Variants in NRXN1 observed in about 807,000 individuals in gnomAD.
NRXN1 encodes neurexin 1, also known as neurexin-1.
NRXN1 carries 39 observed loss-of-function variants against 150.9 expected under a neutral mutation model. The observed-to-expected ratio is 0.26, with a 90% confidence interval of 0.20 to 0.34. The LOEUF (loss-of-function observed/expected upper bound fraction) is 0.34. Ranked by LOEUF, NRXN1 falls within the 10% of genes least tolerant of loss-of-function variation. The pLI is 1.00. For synonymous variants in NRXN1, 924 were observed against 757.0 expected (o/e 1.22, Z -3.62); for missense variants, 1,815 against 1,949.9 (o/e 0.93, Z 1.30).
chr2:50,124,195 A>G (rs1257049769), intron 18 of NRXN1, among the ~76,000 whole-genome samples: 1 of 152,166 alleles, frequency 6.6e-6, no homozygotes, highest in African/African-American at 2.4e-5. Flanking sequence ...TCAACGATAT[A>G]AAATGCTGCT....
intron 18 of NRXN1, among the ~76,000 whole-genome samples, chr2:50,196,921 G>C (rs1203472787): frequency 6.6e-6 from 1 of 152,084 alleles, no homozygotes; most frequent in Non-Finnish European, 1.5e-5. Flanking sequence ...GTGGAGGGTG[G>C]GAGGAAGGAG....
In NRXN1 at chr2:50,863,853, G is replaced by A. The variant is rs369589511; in HGVS notation, c.832+58016C>T. On this transcript the variant is annotated intron_variant, in intron 5 of 22. Coordinates refer to ENST00000401669, the MANE Select transcript of NRXN1 (RefSeq NM_001330078.2). ...AATCCTTTTGAGACATAGGGCCTATGCGCATTAAAAACCTGCTAGACCATG... is the reference window on the plus strand; with the variant it reads ...AATCCTTTTGAGACATAGGGCCTATACGCATTAAAAACCTGCTAGACCATG... Among the ~76,000 whole-genome samples, 211 of 152,110 alleles carry A rather than the reference G, an allele frequency of 1.4e-3. 2 individuals are homozygous for A. The highest frequency in any genetic ancestry group is 5.0e-3 in the South Asian group (24 of 4,824).
intron 17 of NRXN1, among the ~76,000 whole-genome samples, chr2:50,400,608 C>T (rs74796957): frequency 0.022 from 3,371 of 152,096 alleles, 121 homozygotes; most frequent in African/African-American, 0.077. Flanking sequence ...GGTGAAAGGA[C>T]ATTAAAAAGG....
chr2:50,171,484 G>A (rs925089254), intron 18 of NRXN1, among the ~76,000 whole-genome samples: 3 of 151,928 alleles, frequency 2.0e-5, no homozygotes, highest in South Asian at 2.1e-4. Flanking sequence ...AAATATATGC[G>A]CTATCATCAA....
intron 17 of NRXN1, among the ~76,000 whole-genome samples, chr2:50,333,213 G>A (rs1318088387): frequency 2.0e-5 from 3 of 152,162 alleles, no homozygotes; most frequent in African/African-American, 7.2e-5. Context: ...CAGCCCTGGA[G>A]CCTTCAAACC....
intron 5 of NRXN1, among the ~76,000 whole-genome samples, chr2:50,872,150 T>C (rs1306862656): frequency 6.6e-6 from 1 of 151,908 alleles, no homozygotes; most frequent in African/African-American, 2.4e-5. Context: ...AGTTAGTTAC[T>C]CTTTTATATA....
At chr2:50,868,146 TATATA>T (rs1677215305) in intron 5 of NRXN1, among the ~76,000 whole-genome samples, 2 of 8,870 alleles carry the variant, frequency 2.3e-4, no homozygotes, top group South Asian at 3.3e-3. Flanking sequence ...AAATATTATA[TATATA>T]TATATATATA....
chr2:50,088,985 T>C (rs1282514915), intron 19 of NRXN1, among the ~76,000 whole-genome samples: 1 of 152,202 alleles, frequency 6.6e-6, no homozygotes, highest in Non-Finnish European at 1.5e-5. Context: ...TAATATATCC[T>C]ATATTTATTT....
intron 17 of NRXN1, among the ~76,000 whole-genome samples, chr2:50,381,142 G>T (rs2080927641): frequency 6.6e-6 from 1 of 152,018 alleles, no homozygotes; most frequent in Non-Finnish European, 1.5e-5. Flanking sequence ...ATGGAACATG[G>T]ATAAGCCCAA....
At chr2:50,091,172 G>C in intron 19 of NRXN1, 151 bp downstream of exon 19, 7 of 859,360 alleles carry the variant, frequency 8.1e-6, no homozygotes, top group Non-Finnish European at 1.3e-5. Context: ...AACAGTTTAG[G>C]ACAGCATTAC....
chr2:50,777,380 G>T (rs973638975), intron 5 of NRXN1, among the ~76,000 whole-genome samples: 2 of 152,258 alleles, frequency 1.3e-5, no homozygotes, highest in African/African-American at 2.4e-5. Flanking sequence ...AGTTTACTAT[G>T]AATGTACCAG....
At chr2:50,803,486 G>C (rs1038048699) in intron 5 of NRXN1, among the ~76,000 whole-genome samples, 1 of 152,116 alleles carries the variant, frequency 6.6e-6, no homozygotes, top group East Asian at 1.9e-4. Flanking sequence ...TTAAGCAGTA[G>C]AGGACACTGT....
chr2:50,435,945 A>C (rs922778730), intron 17 of NRXN1, among the ~76,000 whole-genome samples: 1 of 152,182 alleles, frequency 6.6e-6, no homozygotes, highest in Non-Finnish European at 1.5e-5. Flanking sequence ...ATGTACCCCT[A>C]AACTAAAATA....
intron 17 of NRXN1, among the ~76,000 whole-genome samples, chr2:50,306,277 G>C (rs545780550): frequency 6.6e-6 from 1 of 152,052 alleles, no homozygotes; most frequent in East Asian, 1.9e-4. Flanking sequence ...CTATGGTATT[G>C]GTCTTTTACT....
At chr2:50,926,241 T>C (rs1331528586) in intron 2 of NRXN1, among the ~76,000 whole-genome samples, 1 of 151,978 alleles carries the variant, frequency 6.6e-6, no homozygotes, top group Admixed American at 6.6e-5. Context: ...AACATTATTG[T>C]TATTACATGT....
intron 19 of NRXN1, among the ~76,000 whole-genome samples, chr2:50,069,189 C>T (rs1328941629): frequency 6.6e-6 from 1 of 152,028 alleles, no homozygotes; most frequent in Non-Finnish European, 1.5e-5. Context: ...TATATTAATG[C>T]TTCAAAGGGA....
intron 5 of NRXN1, among the ~76,000 whole-genome samples, chr2:50,666,720 T>C (rs181965582): frequency 1.1e-3 from 169 of 152,000 alleles, no homozygotes; most frequent in African/African-American, 4.0e-3. Flanking sequence ...GGTAAAAAAA[T>C]AGTCAACAGC....
rs1681170032 is a variant in NRXN1, at chr2:49,987,734, A to ATAAATT, written c.4129-43949_4129-43944dup. ...AAATAGAAGGATGAGCTAATCATAC[A>ATAAATT]TAAATTTATTCTAGATGAAACAACG... On this transcript the variant is annotated intron_variant, in intron 21 of 22. Transcript: ENST00000401669. Among the ~76,000 whole-genome samples the ATAAATT allele has an allele frequency of 6.0e-5, 9 of 149,926 alleles. No homozygotes were observed. The South Asian group carries it at 1.9e-3, about 32-fold the overall frequency.
intron 8 of NRXN1, among the ~76,000 whole-genome samples, chr2:50,598,741 T>A (rs995746286): frequency 6.8e-6 from 1 of 146,048 alleles, no homozygotes; most frequent in African/African-American, 2.5e-5. Flanking sequence ...TATATGTATA[T>A]ATATATATTT....
Sources: gnomAD v4.1 joint callset for allele counts (sites outside exome capture counted in the v4.1 genomes callset) on GRCh38, gnomAD v4.1.1 for gene constraint, MANE v1.5 for transcripts, NCBI Gene and HGNC (gene_info 2026-07-23, HGNC 2026-07-21) for gene names.